The following ASIC2 variants were observed in gnomAD, a reference collection of about 807,000 sequenced individuals.
ASIC2 encodes acid sensing ion channel subunit 2.
Under a neutral mutation model 57.3 loss-of-function variants are expected in ASIC2, and 25 were observed. That is an observed-to-expected ratio of 0.44 (90% CI 0.32 to 0.61). ASIC2 has a LOEUF of 0.61. Ranked by LOEUF, ASIC2 falls within the 20% of genes least tolerant of loss-of-function variation. The pLI, the probability that ASIC2 is intolerant of heterozygous loss-of-function variation, is 0.06. For missense variants in ASIC2, 641 were observed against 738.1 expected (o/e 0.87, Z 1.52); for synonymous variants, 319 against 307.5 (o/e 1.04, Z -0.39).
chr17:33,768,481 G>A (rs1184589772), intron 1 of ASIC2, among the ~76,000 whole-genome samples: 1 of 152,144 alleles, frequency 6.6e-6, no homozygotes, highest in African/African-American at 2.4e-5. Flanking sequence ...GCCTCAAGCT[G>A]AGGAGGTGTG....
At chr17:33,889,568 T>G (rs1914912989) in intron 1 of ASIC2, among the ~76,000 whole-genome samples, 1 of 152,284 alleles carries the variant, frequency 6.6e-6, no homozygotes, top group South Asian at 2.1e-4. Context: ...AAAAAAAACT[T>G]ACTTCCACAA....
chr17:33,507,331 G>A (rs1008965977), intron 1 of ASIC2, among the ~76,000 whole-genome samples: 7 of 152,146 alleles, frequency 4.6e-5, no homozygotes, highest in African/African-American at 1.2e-4. Flanking sequence ...TGGCCTTATC[G>A]GCAAGCACAC....
chr17:34,117,637 T>C (rs550221948), intron 1 of ASIC2, among the ~76,000 whole-genome samples: 2 of 152,230 alleles, frequency 1.3e-5, no homozygotes, highest in African/African-American at 4.8e-5. Context: ...GCTGAAGTCC[T>C]GGGCTCAGAC....
At chr17:33,799,236 C>T (rs1290614543) in intron 1 of ASIC2, among the ~76,000 whole-genome samples, 6 of 151,634 alleles carry the variant, frequency 4.0e-5, no homozygotes, top group Non-Finnish European at 7.4e-5. Flanking sequence ...TCCTTCTTCT[C>T]TTTCCTTCCT....
intron 1 of ASIC2, among the ~76,000 whole-genome samples, chr17:33,974,292 A>G (rs1905306762): frequency 6.6e-6 from 1 of 152,050 alleles, no homozygotes; most frequent in Non-Finnish European, 1.5e-5. Flanking sequence ...TTCAGCTACA[A>G]CGTTAAGGAA....
chr17:33,474,373 C>T (rs937143332), intron 1 of ASIC2, among the ~76,000 whole-genome samples: 8 of 151,758 alleles, frequency 5.3e-5, no homozygotes, highest in Admixed American at 6.6e-5. Flanking sequence ...TGCATCCCCC[C>T]GCCAAAGAAA....
At chr17:33,726,377 G>A (rs974482418) in intron 1 of ASIC2, among the ~76,000 whole-genome samples, 7 of 152,196 alleles carry the variant, frequency 4.6e-5, no homozygotes, top group Admixed American at 1.3e-4. Context: ...CATGAGAGAC[G>A]ATAAAATGAT....
chr17:33,700,402 G>A (rs574012662), intron 1 of ASIC2, among the ~76,000 whole-genome samples: 1 of 152,080 alleles, frequency 6.6e-6, no homozygotes, highest in Non-Finnish European at 1.5e-5. Context: ...AATACCCCTA[G>A]AGCTTCCAGC....
Position 33,801,135 on chromosome 17 carries a change from T to C in ASIC2, c.555+354843A>G, listed in dbSNP as rs190687251. Among the ~76,000 whole-genome samples the C allele has an allele frequency of 1.7e-4, 26 of 152,294 alleles. No homozygotes were observed. The East Asian group carries it at 4.6e-3, about 27-fold the overall frequency. On this transcript the variant is annotated intron_variant, in intron 1 of 9. Transcript: ENST00000359872. ...TCCATCAAAATGTGGCCTGGAGAAC[T>C]AGACTTGAAGCTGGTATCATTCACT...
At chr17:34,001,436 T>C in intron 1 of ASIC2, 1 of 152,542 alleles carries the variant, frequency 6.6e-6, no homozygotes, top group Non-Finnish European at 1.5e-5. Flanking sequence ...GGTGTAGGCC[T>C]GGACCCTGGG....
intron 1 of ASIC2, among the ~76,000 whole-genome samples, chr17:33,633,387 G>A (rs59573368): frequency 6.6e-6 from 1 of 152,286 alleles, no homozygotes; most frequent in Non-Finnish European, 1.5e-5. Context: ...ACATAGAAAG[G>A]TGAGATAGCA....
chr17:33,585,855 T>C (rs1904612276), intron 1 of ASIC2, among the ~76,000 whole-genome samples: 1 of 152,210 alleles, frequency 6.6e-6, no homozygotes, highest in South Asian at 2.1e-4. Flanking sequence ...CATATATGTC[T>C]TGAAAGCTGC....
intron 1 of ASIC2, among the ~76,000 whole-genome samples, chr17:33,308,700 G>C (rs1050218489): frequency 1.3e-5 from 2 of 152,192 alleles, no homozygotes; most frequent in Non-Finnish European, 2.9e-5. Context: ...TCTTCTGATA[G>C]ATTTAACCTA....
intron 1 of ASIC2, among the ~76,000 whole-genome samples, chr17:33,613,266 A>G (rs1418400853): frequency 1.2e-4 from 18 of 151,502 alleles, no homozygotes; most frequent in Non-Finnish European, 2.2e-4. Context: ...GGAAAATAAG[A>G]TTTTCTCTCC....
chr17:33,592,706 A>C (rs1904863790), intron 1 of ASIC2, among the ~76,000 whole-genome samples: 1 of 152,194 alleles, frequency 6.6e-6, no homozygotes, highest in African/African-American at 2.4e-5. Flanking sequence ...AAAGTGAAGG[A>C]GGAGGGTAGA....
chr17:33,511,843 A>G (rs959956108), intron 1 of ASIC2, among the ~76,000 whole-genome samples: 1 of 152,214 alleles, frequency 6.6e-6, no homozygotes, highest in African/African-American at 2.4e-5. Flanking sequence ...CTCTGTATAT[A>G]GTAGGTTTGG....
At chr17:33,114,650 A>AG (rs2092273578) in intron 1 of ASIC2, among the ~76,000 whole-genome samples, 1 of 152,230 alleles carries the variant, frequency 6.6e-6, no homozygotes, top group African/African-American at 2.4e-5. Flanking sequence ...CTGCCAAAGC[A>AG]TGCCCAGTGC....
In ASIC2 at chr17:33,984,593, G is replaced by A. The variant is rs184617971; in HGVS notation, c.555+171385C>T. ...GTCCTCACAACCACCCGACGATGCAGACACTTGTGCATCCCCTTCACAATT... is the reference window on the plus strand; with the variant it reads ...GTCCTCACAACCACCCGACGATGCAAACACTTGTGCATCCCCTTCACAATT... On this transcript the variant is annotated intron_variant, in intron 1 of 9. Coordinates refer to the ASIC2 transcript ENST00000359872. Among the ~76,000 whole-genome samples, 517 of 152,344 alleles carry A rather than the reference G, an allele frequency of 3.4e-3. 4 individuals are homozygous for A. Among genetic ancestry groups the A allele is most frequent in the Non-Finnish European group, 5.7e-3 (387 of 68,030 alleles).
intron 2 of ASIC2, among the ~76,000 whole-genome samples, chr17:33,097,780 A>G (rs1322644791): frequency 1.3e-5 from 2 of 152,234 alleles, no homozygotes; most frequent in Admixed American, 1.3e-4. Flanking sequence ...CAGCGACAGT[A>G]ACACGGACCA....
Sources: allele counts gnomAD v4.1 joint callset (sites outside exome capture counted in the v4.1 genomes callset), GRCh38; gene constraint gnomAD v4.1.1; transcripts MANE v1.5; gene names NCBI Gene and HGNC (gene_info 2026-07-23, HGNC 2026-07-21).